Variants in GFOD1 observed in about 807,000 individuals in gnomAD.
The protein encoded by GFOD1 is glucose-fructose oxidoreductase domain-containing protein 1.
GFOD1 carries 9 observed loss-of-function variants against 25.4 expected under a neutral mutation model. The ratio of observed to expected loss-of-function variants is 0.35; its 90% CI spans 0.21 to 0.62. GFOD1 has a LOEUF of 0.62. GFOD1 is among the 20% of genes least tolerant of loss of function. GFOD1 has a pLI of 0.72. For missense variants in GFOD1, 403 were observed against 556.9 expected (o/e 0.72, Z 2.78); for synonymous variants, 253 against 245.6 (o/e 1.03, Z -0.28).
chr6:13,439,053 T>A (rs1345030), intron 1 of GFOD1, among the ~76,000 whole-genome samples: 38,510 of 151,800 alleles, frequency 0.25, 5,716 homozygotes, highest in Non-Finnish European at 0.33. Flanking sequence ...GAAACATCCA[T>A]CTCTGCAATC....
At chr6:13,432,824 C>G (rs1196298333) in intron 1 of GFOD1, among the ~76,000 whole-genome samples, 1 of 152,172 alleles carries the variant, frequency 6.6e-6, no homozygotes, top group African/African-American at 2.4e-5. Flanking sequence ...GTGCATCTGT[C>G]TCCCCTTCCT....
chr6:13,379,165 T>C (rs1434354362), intron 1 of GFOD1, among the ~76,000 whole-genome samples: 10 of 152,184 alleles, frequency 6.6e-5, no homozygotes, highest in Non-Finnish European at 1.3e-4. Context: ...ACAAGTAACC[T>C]ACAGTGCAAT....
At chr6:13,394,571 C>A (rs554420136) in intron 1 of GFOD1, among the ~76,000 whole-genome samples, 93 of 144,298 alleles carry the variant, frequency 6.4e-4, no homozygotes, top group African/African-American at 2.4e-3. Context: ...AACTCCTGGG[C>A]CCAAGCAATC....
At chr6:13,461,516 G>A (rs145117941) in intron 1 of GFOD1, among the ~76,000 whole-genome samples, 23 of 152,220 alleles carry the variant, frequency 1.5e-4, no homozygotes, top group Non-Finnish European at 2.8e-4. Context: ...CCAAGCTGCC[G>A]GCCCCCGCTT....
At chr6:13,454,348 T>C (rs1758151071) in intron 1 of GFOD1, among the ~76,000 whole-genome samples, 1 of 152,214 alleles carries the variant, frequency 6.6e-6, no homozygotes, top group Non-Finnish European at 1.5e-5. Flanking sequence ...CGGAAACTAA[T>C]ATAAGCCCAT....
At chr6:13,449,045 G>T (rs2127573448) in intron 1 of GFOD1, among the ~76,000 whole-genome samples, 1 of 152,316 alleles carries the variant, frequency 6.6e-6, no homozygotes, top group South Asian at 2.1e-4. Flanking sequence ...CCAGCACTTT[G>T]GGAGGCTGAG....
intron 1 of GFOD1, among the ~76,000 whole-genome samples, chr6:13,441,209 AG>A (rs1757909705): frequency 6.6e-6 from 1 of 152,182 alleles, no homozygotes; most frequent in African/African-American, 2.4e-5. Context: ...CCAGCTCTGA[AG>A]GTGCATGAGG....
chr6:13,474,537 C>T (rs1315267077), intron 1 of GFOD1, among the ~76,000 whole-genome samples: 4 of 152,166 alleles, frequency 2.6e-5, no homozygotes, highest in Non-Finnish European at 5.9e-5. Context: ...GCAAGCTCTT[C>T]CTGGCATTGT....
intron 1 of GFOD1, among the ~76,000 whole-genome samples, chr6:13,371,895 G>C (rs1045162802): frequency 1.3e-5 from 2 of 152,208 alleles, no homozygotes; most frequent in East Asian, 1.9e-4. Context: ...GAGGGTTGCC[G>C]CATCTGTCAA....
chr6:13,374,595 C>T lies in GFOD1; in HGVS notation c.254-8933G>A, dbSNP rs549296157. ...TGCTGGGATTACAGGTGTGAACCAC[C>T]ACGCCCAGCCAAAAATAAGTTTTTT... On this transcript the variant is annotated intron_variant, in intron 1 of 1. Coordinates refer to ENST00000379287, the MANE Select transcript of GFOD1 (RefSeq NM_018988.4). Among the ~76,000 whole-genome samples the T allele has an allele frequency of 2.0e-5, 3 of 150,804 alleles. No individual in the cohort carries two copies. In the East Asian group the frequency reaches 5.9e-4, roughly 30 times the overall value.
At chr6:13,401,007 G>A (rs571364909) in intron 1 of GFOD1, among the ~76,000 whole-genome samples, 2 of 152,304 alleles carry the variant, frequency 1.3e-5, no homozygotes, top group Admixed American at 6.5e-5. Context: ...ACAGGTGCCT[G>A]GAGAGCCAAC....
chr6:13,393,877 T>A (rs956304478), intron 1 of GFOD1, among the ~76,000 whole-genome samples: 1 of 149,886 alleles, frequency 6.7e-6, no homozygotes, highest in East Asian at 2.0e-4. Flanking sequence ...CCTCCCGGGT[T>A]CGGCCACTCT....
At position 13,368,829 on chromosome 6, in the gene GFOD1, G is replaced by A. The variant is rs374118236; in HGVS notation, c.254-3167C>T. Among the ~76,000 whole-genome samples, 6 of 152,268 alleles carry A rather than the reference G, an allele frequency of 3.9e-5. No individual in the cohort carries two copies. The South Asian group carries it at 6.2e-4, about 16-fold the overall frequency. On this transcript the variant is annotated intron_variant, in intron 1 of 1. Coordinates refer to ENST00000379287, the MANE Select transcript of GFOD1 (RefSeq NM_018988.4). ...AATTCTTTGCAGCTCCATAGATAAA[G>A]AGATTTTGATGAAAGCTCCAGAAGA...
intron 1 of GFOD1, among the ~76,000 whole-genome samples, chr6:13,454,167 G>A (rs897417900): frequency 2.0e-5 from 3 of 152,130 alleles, no homozygotes; most frequent in Non-Finnish European, 2.9e-5. Flanking sequence ...AGAGACTGCC[G>A]GCAGGCCAGC....
intron 1 of GFOD1, among the ~76,000 whole-genome samples, chr6:13,459,127 G>C (rs12190907): frequency 2.6e-5 from 4 of 152,256 alleles, no homozygotes; most frequent in South Asian, 2.1e-4. Flanking sequence ...GCTATCAAAA[G>C]AGCTTGCAGT....
At chr6:13,386,196 TA>T (rs199604734) in intron 1 of GFOD1, among the ~76,000 whole-genome samples, 3 of 110,390 alleles carry the variant, frequency 2.7e-5, no homozygotes, top group Non-Finnish European at 4.2e-5. Flanking sequence ...CAAATTACTT[TA>T]TTTTTTTTAA....
intron 1 of GFOD1, among the ~76,000 whole-genome samples, chr6:13,481,717 C>T (rs1050396748): frequency 1.3e-5 from 2 of 152,226 alleles, no homozygotes; most frequent in African/African-American, 2.4e-5. Flanking sequence ...GCCTTGTCTG[C>T]GTCCTGACCG....
In GFOD1 at chr6:13,430,184, C is replaced by A. The variant is rs1439627565; in HGVS notation, c.253+56454G>T. On this transcript the variant is annotated intron_variant, in intron 1 of 1. Transcript: ENST00000379287. The surrounding 1 kb of genome is among the most constrained non-coding windows in gnomAD (Gnocchi z 4.1). Reference sequence around the variant, plus strand: ...GGGAGCAGTCGCTCATGCCTGTAACCCCAGCACTTTGGGAAGCAGAGGCGG... The same window carrying A: ...GGGAGCAGTCGCTCATGCCTGTAACACCAGCACTTTGGGAAGCAGAGGCGG... Among the ~76,000 whole-genome samples the A allele has an allele frequency of 6.6e-6, 1 of 152,196 alleles. No homozygotes were observed. The highest frequency in any genetic ancestry group is 2.4e-5 in the African/African-American group (1 of 41,428).
intron 1 of GFOD1, among the ~76,000 whole-genome samples, chr6:13,395,564 A>T (rs1230129033): frequency 6.6e-6 from 1 of 152,220 alleles, no homozygotes; most frequent in East Asian, 1.9e-4. Flanking sequence ...GAGCTCAGAT[A>T]AGGGAGTTAA....
Sources: gnomAD v4.1 joint callset for allele counts (sites outside exome capture counted in the v4.1 genomes callset) on GRCh38, gnomAD v4.1.1 for gene constraint, Gnocchi (gnomAD v3.1) non-coding constraint, MANE v1.5 for transcripts, NCBI Gene and HGNC (gene_info 2026-07-23, HGNC 2026-07-21) for gene names.